The following PARD3B variants were observed in gnomAD, a reference collection of about 807,000 sequenced individuals.
PARD3B encodes the protein par-3 family cell polarity regulator beta.
In PARD3B, 103 loss-of-function variants were observed where a neutral mutation model predicts 130.2. The observed-to-expected ratio is 0.79, with a 90% CI of 0.67 to 0.93. The LOEUF (loss-of-function observed/expected upper bound fraction) is 0.93. PARD3B is among the 40% of genes least tolerant of loss of function. PARD3B has a pLI of 0.00. For synonymous variants in PARD3B, 583 were observed against 553.2 expected, an observed-to-expected ratio of 1.05 and a Z score of -0.76; for missense variants, 1,609 against 1,499.2, an observed-to-expected ratio of 1.07 and a Z score of -1.21.
At chr2:205,386,933 A>T (rs1039018742) in intron 18 of PARD3B, among the ~76,000 whole-genome samples, 2 of 152,210 alleles carry the variant, frequency 1.3e-5, no homozygotes, top group Admixed American at 6.6e-5. Flanking sequence ...ATTTTGCAAC[A>T]GATTTCTTCC....
At chr2:204,920,214 T>A (rs1575309166) in intron 2 of PARD3B, among the ~76,000 whole-genome samples, 1 of 152,324 alleles carries the variant, frequency 6.6e-6, no homozygotes, top group Non-Finnish European at 1.5e-5. Flanking sequence ...GTATGTTTGC[T>A]CTTTTGGGGT....
At chr2:205,044,047 A>C (rs1476406908) in intron 3 of PARD3B, among the ~76,000 whole-genome samples, 1 of 150,954 alleles carries the variant, frequency 6.6e-6, no homozygotes, top group Admixed American at 6.6e-5. Context: ...ATGAGTGAGA[A>C]TATGCAGTGT....
At chr2:204,840,453 C>G (rs2044217986) in intron 2 of PARD3B, among the ~76,000 whole-genome samples, 1 of 152,022 alleles carries the variant, frequency 6.6e-6, no homozygotes. Flanking sequence ...CTTTGTTTTA[C>G]CCTCCCAAAT....
chr2:204,962,074 C>T (rs957706435), intron 2 of PARD3B, among the ~76,000 whole-genome samples: 2 of 152,146 alleles, frequency 1.3e-5, no homozygotes, highest in African/African-American at 2.4e-5. Context: ...CATAGACTGA[C>T]CTTCCTGTGT....
intron 22 of PARD3B, among the ~76,000 whole-genome samples, chr2:205,613,436 C>A (rs1010008237): frequency 6.6e-6 from 1 of 152,124 alleles, no homozygotes; most frequent in African/African-American, 2.4e-5. Flanking sequence ...TTAAAGAATT[C>A]TTATGATAAA....
In PARD3B at chr2:204,989,657, A is replaced by G. The variant is rs553682043; in HGVS notation, c.394+24334A>G. Among the ~76,000 whole-genome samples, 8 of 152,128 alleles carry G rather than the reference A, an allele frequency of 5.3e-5. No individual in the cohort carries two copies. The East Asian group carries it at 7.7e-4, about 15-fold the overall frequency. ...TTTTACCATGAATTTTCATATCTCT[A>G]TGGAGTTCATTGTTTAGTTTTGTGT... is the stretch of plus-strand genomic sequence containing the variant. On this transcript the variant is annotated intron_variant, in intron 3 of 22. Coordinates refer to ENST00000406610, the MANE Select transcript of PARD3B (RefSeq NM_001302769.2).
chr2:205,509,181 T>C (rs754128493), intron 21 of PARD3B, among the ~76,000 whole-genome samples: 2 of 152,136 alleles, frequency 1.3e-5, no homozygotes, highest in South Asian at 2.1e-4. Context: ...GAAGTCCATT[T>C]AGAAGCTGGC....
At chr2:205,106,737 GC>G (rs1275599346) in intron 5 of PARD3B, among the ~76,000 whole-genome samples, 1 of 152,038 alleles carries the variant, frequency 6.6e-6, no homozygotes, top group Admixed American at 6.6e-5. Flanking sequence ...CCTGACCAAG[GC>G]TAGGAAACTT....
At chr2:205,154,865 G>T (rs371995328) in intron 10 of PARD3B, among the ~76,000 whole-genome samples, 1 of 152,220 alleles carries the variant, frequency 6.6e-6, no homozygotes. Flanking sequence ...TTGGACACAG[G>T]GTGGGGAACT....
At chr2:205,150,276 G>C (rs533642217) in intron 10 of PARD3B, among the ~76,000 whole-genome samples, 1 of 149,002 alleles carries the variant, frequency 6.7e-6, no homozygotes, top group South Asian at 2.1e-4. Flanking sequence ...AAATCTGTGA[G>C]TGGAAAGAGC....
intron 2 of PARD3B, among the ~76,000 whole-genome samples, chr2:204,951,372 T>G (rs1016643305): frequency 4.6e-5 from 7 of 152,170 alleles, no homozygotes; most frequent in African/African-American, 1.7e-4. Context: ...GGTTTGTTCC[T>G]TAATCCAGTG....
At chr2:204,989,476 T>G (rs552522927) in intron 3 of PARD3B, among the ~76,000 whole-genome samples, 3 of 152,254 alleles carry the variant, frequency 2.0e-5, no homozygotes, top group South Asian at 4.1e-4. Context: ...AACTGTGGTA[T>G]GTATGAAGAG....
intron 18 of PARD3B, among the ~76,000 whole-genome samples, chr2:205,323,084 G>A (rs1348277423): frequency 6.6e-6 from 1 of 150,742 alleles, no homozygotes; most frequent in East Asian, 2.0e-4. Flanking sequence ...CTAATTTTTT[G>A]TGTTTTAGTA....
chr2:204,905,826 G>A (rs776539262), intron 2 of PARD3B, among the ~76,000 whole-genome samples: 79 of 152,150 alleles, frequency 5.2e-4, no homozygotes, highest in Non-Finnish European at 9.1e-4. Context: ...GTTAGTCGGG[G>A]GAAAATGACT....
chr2:205,235,904 T>A (rs2039041230), intron 15 of PARD3B, among the ~76,000 whole-genome samples: 2 of 152,196 alleles, frequency 1.3e-5, no homozygotes, highest in Admixed American at 1.3e-4. Flanking sequence ...AGAAAAAATT[T>A]GGTAAAGTCA....
chr2:205,224,748 G>C (rs1033289778), intron 15 of PARD3B, among the ~76,000 whole-genome samples: 3 of 152,048 alleles, frequency 2.0e-5, no homozygotes, highest in African/African-American at 7.2e-5. Flanking sequence ...GGAAAAGATA[G>C]AATCTCATTC....
At chr2:204,840,154 G>T (rs2044208481) in intron 2 of PARD3B, among the ~76,000 whole-genome samples, 1 of 152,082 alleles carries the variant, frequency 6.6e-6, no homozygotes, top group African/African-American at 2.4e-5. Context: ...TTACTCAGTA[G>T]AAATACTTTA....
intron 1 of PARD3B, among the ~76,000 whole-genome samples, chr2:204,598,917 GCTGT>G (rs564761265): frequency 8.6e-4 from 131 of 152,050 alleles, no homozygotes; most frequent in African/African-American, 3.0e-3. Context: ...GTTTGAGAAT[GCTGT>G]CTTTTTTTCT....
At chr2:205,031,615 T>G (rs1697430011) in intron 3 of PARD3B, among the ~76,000 whole-genome samples, 1 of 152,178 alleles carries the variant, frequency 6.6e-6, no homozygotes, top group Admixed American at 6.6e-5. Flanking sequence ...CTTGGTAGAT[T>G]ATGCTTTAAT....
Sources: allele counts gnomAD v4.1 joint callset (sites outside exome capture counted in the v4.1 genomes callset), GRCh38; gene constraint gnomAD v4.1.1; transcripts MANE v1.5; gene names NCBI Gene and HGNC (gene_info 2026-07-23, HGNC 2026-07-21).